The following HSD17B14 variants were observed in gnomAD, a reference collection of about 807,000 sequenced individuals.
HSD17B14 encodes hydroxysteroid 17-beta dehydrogenase 14.
HSD17B14 carries 32 observed loss-of-function variants against 32.2 expected under a neutral mutation model. The ratio of observed to expected loss-of-function variants is 0.99; its 90% CI spans 0.75 to 1.33. The LOEUF (loss-of-function observed/expected upper bound fraction) is 1.33. Among genes scored for constraint, HSD17B14 ranks in the 40% most tolerant of loss-of-function variants. The probability of loss-of-function intolerance (pLI) is 0.00; values close to 1 mark genes in which losing one functional copy is unlikely to be tolerated. For missense variants in HSD17B14, 370 were observed against 366.5 expected, an observed-to-expected ratio of 1.01 and a Z score of -0.08; for synonymous variants, 140 against 155.4, an observed-to-expected ratio of 0.90 and a Z score of 0.74.
At position 48,836,401 on chromosome 19, in the gene HSD17B14, C is replaced by T. The variant is rs1295383898; in HGVS notation, c.11G>A (p.Gly4Glu). 5.0e-6 allele frequency: 8 copies of T among 1,613,646 alleles called. No homozygotes were observed. Among genetic ancestry groups the T allele is most frequent in the African/African-American group, 2.7e-5 (2 of 74,794 alleles). ...CACCACCTTCCCGGCATAGCGCGTTCCCGTAGCCATCCCGTGTACGTCGGT... is the reference window on the plus strand; with the variant it reads ...CACCACCTTCCCGGCATAGCGCGTTTCCGTAGCCATCCCGTGTACGTCGGT... MATGTRYAGKVVVV... is the reference protein window; with the variant it reads MATETRYAGKVVVV... The change falls in exon 1 of 9, where the codon GGA becomes GAA. Residue 4 changes from glycine to glutamate, a missense_variant. Coordinates refer to ENST00000263278, the MANE Select transcript of HSD17B14 (RefSeq NM_016246.3).
intron 5 of HSD17B14, among the ~76,000 whole-genome samples, chr19:48,823,378 C>T (rs528446623): frequency 2.3e-4 from 35 of 151,958 alleles, no homozygotes; most frequent in Middle Eastern, 3.4e-3. Flanking sequence ...TCACTGCACT[C>T]CAGCCTGGGT....
rs762326427 is a variant in HSD17B14 at position 48,832,741 on chromosome 19, A to C, written c.211-9T>G. 1 of 1,608,592 alleles carries C rather than the reference A, an allele frequency of 6.2e-7. No homozygotes were observed. Among genetic ancestry groups the C allele is most frequent in the Admixed American group, 1.7e-5 (1 of 59,290 alleles). ...GTCTCAGAAACCAGGGTCTGAGGAG[A>C]AAGGAAATGTCCTTTGTTTTTTTTT... On this transcript the variant is annotated splice_polypyrimidine_tract_variant and intron_variant, in intron 3 of 8. Transcript: ENST00000263278.
intron 3 of HSD17B14, 150 bp from the exon 4 acceptor site, chr19:48,832,882 TA>T: frequency 1.5e-6 from 1 of 660,352 alleles, no homozygotes; most frequent in Non-Finnish European, 2.7e-6. Context: ...GCCTCCCAAG[TA>T]GCTGGGATTA....
At chr19:48,823,411 AAAT>A (rs906988306) in intron 5 of HSD17B14, among the ~76,000 whole-genome samples, 1 of 151,734 alleles carries the variant, frequency 6.6e-6, no homozygotes, top group African/African-American at 2.4e-5. Context: ...CACTATCTCA[AAAT>A]AATAATAATA....
chr19:48,813,399 C>T, intron 8 of HSD17B14, 51 bp from the exon 9 acceptor site: 1 of 1,556,242 alleles, frequency 6.4e-7, no homozygotes, highest in Non-Finnish European at 8.7e-7. Flanking sequence ...CACTTGATCG[C>T]CATGCCCCCC....
intron 5 of HSD17B14, among the ~76,000 whole-genome samples, chr19:48,824,929 T>C (rs2035219485): frequency 6.6e-6 from 1 of 152,046 alleles, no homozygotes; most frequent in Non-Finnish European, 1.5e-5. Flanking sequence ...ATGGTACGCA[T>C]GAAGTTCCTA....
Position 48,813,365 on chromosome 19 carries a change from G to T in HSD17B14, c.640-17C>A, listed in dbSNP as rs1011831924. ...GCCCAGTGGCTGGGGAGAAAAGAGGGGGGAAGGAGGTCAAGAGGAGCCCCA... is the reference window on the plus strand; with the variant it reads ...GCCCAGTGGCTGGGGAGAAAAGAGGTGGGAAGGAGGTCAAGAGGAGCCCCA... On this transcript the variant is annotated splice_polypyrimidine_tract_variant and intron_variant, in intron 8 of 8. Coordinates refer to ENST00000263278, the MANE Select transcript of HSD17B14 (RefSeq NM_016246.3). 2 of 1,562,352 alleles carry T rather than the reference G, an allele frequency of 1.3e-6. No individual in the cohort carries two copies. Among genetic ancestry groups the T allele is most frequent in the Admixed American group, 3.9e-5 (2 of 51,926 alleles).
At chr19:48,835,931 T>A in intron 1 of HSD17B14, 88 bp from the exon 2 acceptor site, 1 of 1,204,112 alleles carries the variant, frequency 8.3e-7, no homozygotes. Flanking sequence ...GGGGCTGATC[T>A]CCCTCTCCCC....
At chr19:48,830,046 G>A (rs1044921656) in intron 5 of HSD17B14, among the ~76,000 whole-genome samples, 6 of 151,998 alleles carry the variant, frequency 3.9e-5, no homozygotes, top group African/African-American at 1.5e-4. Context: ...TCAGCTCACT[G>A]CAACCTCCGC....
intron 5 of HSD17B14, among the ~76,000 whole-genome samples, chr19:48,819,280 T>C (rs1179022052): frequency 2.0e-5 from 3 of 152,146 alleles, no homozygotes; most frequent in Non-Finnish European, 4.4e-5. Context: ...TGAGCCACCA[T>C]GCCCAGCTCA....
intron 5 of HSD17B14, among the ~76,000 whole-genome samples, chr19:48,819,567 A>G (rs572531593): frequency 1.5e-3 from 222 of 152,178 alleles, no homozygotes; most frequent in Non-Finnish European, 2.4e-3. Flanking sequence ...CAGCAGCACC[A>G]AACCCTGTCT....
intron 1 of HSD17B14, 86 bp from the exon 2 acceptor site, chr19:48,835,929 T>C: frequency 8.3e-7 from 1 of 1,204,932 alleles, no homozygotes; most frequent in Admixed American, 1.8e-5. Context: ...TTGGGGCTGA[T>C]CTCCCTCTCC....
At position 48,832,740 on chromosome 19, in the gene HSD17B14, G is replaced by A; in HGVS notation, c.211-8C>T. 1 of 1,605,798 alleles carries A rather than the reference G, an allele frequency of 6.2e-7. No homozygotes were observed. The highest frequency in any genetic ancestry group is 8.5e-7 in the Non-Finnish European group (1 of 1,175,920). ...GGTCTCAGAAACCAGGGTCTGAGGA[G>A]AAAGGAAATGTCCTTTGTTTTTTTT... On this transcript the variant is annotated splice_polypyrimidine_tract_variant and splice_region_variant and intron_variant, in intron 3 of 8. Transcript: ENST00000263278.
At chr19:48,826,528 A>AAAAAAAAAAAAATATATAT (rs777368104) in intron 5 of HSD17B14, among the ~76,000 whole-genome samples, 3 of 23,096 alleles carry the variant, frequency 1.3e-4, no homozygotes, top group Admixed American at 8.6e-4. Context: ...AAAAGAAGAA[A>AAAAAAAAAAAAATATATAT]ATATATATAT....
chr19:48,830,024 A>C (rs930773115), intron 5 of HSD17B14, among the ~76,000 whole-genome samples: 2 of 151,942 alleles, frequency 1.3e-5, no homozygotes, highest in Non-Finnish European at 2.9e-5. Flanking sequence ...GCTGGAGTGC[A>C]GTTGCACGAT....
intron 2 of HSD17B14, 114 bp from the exon 3 acceptor site, chr19:48,834,472 C>T (rs1242998966): frequency 5.4e-5 from 29 of 541,576 alleles, no homozygotes; most frequent in South Asian, 1.1e-4. Context: ...ACTCCTGGGT[C>T]TGAGGGAGGA....
At chr19:48,835,333 G>T (rs577545539) in intron 2 of HSD17B14, among the ~76,000 whole-genome samples, 140 of 111,490 alleles carry the variant, frequency 1.3e-3, no homozygotes, top group African/African-American at 5.6e-3. Flanking sequence ...GGGAGGAGGG[G>T]CTGGGAGCCT....
At chr19:48,819,766 T>A (rs2035114966) in intron 5 of HSD17B14, among the ~76,000 whole-genome samples, 1 of 152,184 alleles carries the variant, frequency 6.6e-6, no homozygotes, top group Non-Finnish European at 1.5e-5. Flanking sequence ...CATGTCTCTG[T>A]TTAGGAAGAC....
At chr19:48,831,876 A>C (rs2035342778) in intron 4 of HSD17B14, 117 bp from the exon 5 acceptor site, 1 of 639,682 alleles carries the variant, frequency 1.6e-6, no homozygotes, top group African/African-American at 1.8e-5. Context: ...TCAGGAGTTC[A>C]AGACCAACCT....
Sources: allele counts gnomAD v4.1 joint callset (sites outside exome capture counted in the v4.1 genomes callset), GRCh38; gene constraint gnomAD v4.1.1; transcripts MANE v1.5; gene names NCBI Gene and HGNC (gene_info 2026-07-23, HGNC 2026-07-21).